Variants in RP1 observed in about 807,000 individuals in gnomAD.
RP1 encodes the protein RP1 axonemal microtubule associated, also known as oxygen-regulated protein 1.
A neutral mutation model predicts 14.8 loss-of-function variants in RP1; 16 were observed. That is an observed-to-expected ratio of 1.08 (90% CI 0.73 to 1.65). The LOEUF (loss-of-function observed/expected upper bound fraction) is 1.65. RP1 is among the 40% of genes most tolerant of loss of function. The pLI, the probability that RP1 is intolerant of heterozygous loss-of-function variation, is 0.00. For synonymous variants in RP1, 876 were observed against 883.6 expected, an observed-to-expected ratio of 0.99 and a Z score of 0.15; for missense variants, 2,631 against 2,535.0, an observed-to-expected ratio of 1.04 and a Z score of -0.81.
At chr8:54,730,193 T>C (rs916472700) in intron 17 of RP1, among the ~76,000 whole-genome samples, 3 of 152,062 alleles carry the variant, frequency 2.0e-5, no homozygotes, top group African/African-American at 7.2e-5. Context: ...CCATAAATTC[T>C]TTTGGCCTAT....
rs774256866 is a variant in RP1 at position 54,626,030 on chromosome 8, T to C, written c.2148T>C (p.Asp716=). ...GRITKEMIVQ[D]SDSPLKGGIL... ...TTACAAAGGAAATGATAGTGCAAGA[T>C]TCAGATAGTCCCCTTAAAGGAGGGA... Residue 716 remains aspartate, a synonymous_variant, in exon 4 of 4, where the codon GAT becomes GAC. Transcript: ENST00000220676. 6.2e-7 allele frequency: 1 copy of C among 1,613,786 alleles called. No individual in the cohort carries two copies.
intron 24 of RP1, among the ~76,000 whole-genome samples, chr8:54,793,009 A>C (rs1267290005): frequency 6.6e-6 from 1 of 151,810 alleles, no homozygotes; most frequent in Non-Finnish European, 1.5e-5. Context: ...AAGACATTAC[A>C]ACTCATACCA....
rs180928156 is a variant in RP1 at position 54,693,906 on chromosome 8, A to T, written c.1718-5561A>T. The stretch of plus-strand genomic sequence containing the variant: ...ATCCCTGTCTCGTGCCAGTTTTCAA[A>T]GGGAATGCTTCCAGTTTTTGCCCAT... On this transcript the variant is annotated intron_variant, in intron 12 of 22. Coordinates refer to the RP1 transcript ENST00000636932. Among the ~76,000 whole-genome samples the T allele has an allele frequency of 3.0e-3, 452 of 152,244 alleles. 3 individuals are homozygous for T. Among genetic ancestry groups the T allele is most frequent in the African/African-American group, 9.7e-3 (403 of 41,562 alleles).
At position 54,628,747 on chromosome 8, in the gene RP1, A is replaced by G. The variant is rs756520935; in HGVS notation, c.4865A>G (p.Glu1622Gly). 2 of 1,614,134 alleles carry G rather than the reference A, an allele frequency of 1.2e-6. No homozygotes were observed. Among genetic ancestry groups the G allele is most frequent in the Non-Finnish European group, 1.7e-6 (2 of 1,179,986 alleles). ...AGTGGCGAACTTACCCAAGAGAAAG[A>G]ATATAACATAGGATTTGTTAAAAGG... ...NDSGELTQEK[E>G]YNIGFVKRAI... Residue 1622 changes from glutamate (E) to glycine (G), a missense_variant, in exon 4 of 4, where the codon GAA (glutamate) becomes GGA (glycine). Transcript: ENST00000220676.
downstream of RP1, among the ~76,000 whole-genome samples, chr8:54,631,021 T>C (rs1367303228): frequency 4.6e-5 from 7 of 152,216 alleles, no homozygotes; most frequent in Admixed American, 6.5e-5. Flanking sequence ...CATGACTATA[T>C]GATGATATAG....
intron 17 of RP1, among the ~76,000 whole-genome samples, chr8:54,729,910 G>A (rs1259394295): frequency 6.6e-6 from 1 of 151,760 alleles, no homozygotes; most frequent in Non-Finnish European, 1.5e-5. Context: ...GGTTATTCTT[G>A]TTGTAATTTT....
intron 24 of RP1, among the ~76,000 whole-genome samples, chr8:54,821,192 A>G (rs929645665): frequency 1.3e-5 from 2 of 152,192 alleles, no homozygotes; most frequent in African/African-American, 4.8e-5. Context: ...AGAAGAAAAA[A>G]CAAGGGGAAA....
At chr8:54,759,128 TGC>T in intron 22 of RP1, 1 of 1,229,080 alleles carries the variant, frequency 8.1e-7, no homozygotes. Flanking sequence ...CTGTGGATGA[TGC>T]TGTGTGTGTG....
At chr8:54,866,908 C>T (rs1812470821) in intron 28 of RP1, among the ~76,000 whole-genome samples, 1 of 152,144 alleles carries the variant, frequency 6.6e-6, no homozygotes, top group South Asian at 2.1e-4. Context: ...TTTATCCATC[C>T]ATTTAATATG....
At chr8:54,786,148 G>A (rs1810313086) in intron 24 of RP1, among the ~76,000 whole-genome samples, 1 of 152,072 alleles carries the variant, frequency 6.6e-6, no homozygotes, top group Admixed American at 6.6e-5. Context: ...AAATCGGACT[G>A]AAGAGTTCCC....
intron 24 of RP1, among the ~76,000 whole-genome samples, chr8:54,792,300 G>C (rs528524054): frequency 6.6e-5 from 10 of 152,008 alleles, no homozygotes; most frequent in African/African-American, 2.2e-4. Flanking sequence ...ATGACGGATA[G>C]ATCATCCAGA....
intron 1 of RP1, among the ~76,000 whole-genome samples, chr8:54,583,818 T>G (rs189325128): frequency 2.0e-5 from 3 of 152,354 alleles, no homozygotes; most frequent in African/African-American, 7.2e-5. Context: ...CTGATGGTAG[T>G]TAGTATTTCT....
chr8:54,619,090 T>C (rs1805796253), intron 1 of RP1, among the ~76,000 whole-genome samples: 1 of 152,242 alleles, frequency 6.6e-6, no homozygotes, highest in Non-Finnish European at 1.5e-5. Flanking sequence ...GCAGTTTTGC[T>C]GACTCCATTG....
chr8:54,602,754 T>C (rs1256011455), intron 1 of RP1, among the ~76,000 whole-genome samples: 2 of 152,170 alleles, frequency 1.3e-5, no homozygotes, highest in East Asian at 1.9e-4. Context: ...TGGTATCTCA[T>C]TGTGCTTTTG....
intron 3 of RP1, among the ~76,000 whole-genome samples, chr8:54,643,263 G>A (rs894972813): frequency 1.3e-5 from 2 of 152,088 alleles, no homozygotes; most frequent in Admixed American, 6.5e-5. Flanking sequence ...ACAATGTGAT[G>A]AGTTTTAACA....
At chr8:54,656,706 G>T (rs1280222683) in intron 6 of RP1, among the ~76,000 whole-genome samples, 1 of 150,742 alleles carries the variant, frequency 6.6e-6, no homozygotes, top group African/African-American at 2.4e-5. Context: ...GTTCTACTCA[G>T]GATTAGGTAG....
chr8:54,695,773 G>A (rs146204592), intron 12 of RP1, among the ~76,000 whole-genome samples: 158 of 152,214 alleles, frequency 1.0e-3, no homozygotes, highest in African/African-American at 3.6e-3. Context: ...CAGACTCAAA[G>A]TCAGAATTCC....
At chr8:54,696,110 C>A (rs1466807267) in intron 12 of RP1, among the ~76,000 whole-genome samples, 2 of 151,898 alleles carry the variant, frequency 1.3e-5, no homozygotes, top group Admixed American at 1.3e-4. Context: ...AAAGTGTTTG[C>A]CTGTGTGGTT....
chr8:54,752,512 G>A (rs907837944), intron 19 of RP1, among the ~76,000 whole-genome samples: 8 of 152,140 alleles, frequency 5.3e-5, no homozygotes, highest in Non-Finnish European at 8.8e-5. Context: ...TATTATAGAC[G>A]TTACAAATTT....
Sources: gnomAD v4.1 joint callset for allele counts (sites outside exome capture counted in the v4.1 genomes callset) on GRCh38, gnomAD v4.1.1 for gene constraint, MANE v1.5 for transcripts, NCBI Gene and HGNC (gene_info 2026-07-23, HGNC 2026-07-21) for gene names.